The following WDR70 variants were observed in gnomAD, a reference collection of about 807,000 sequenced individuals.
WDR70 encodes the protein WD repeat domain 70.
In WDR70, 53 loss-of-function variants were observed where a neutral mutation model predicts 88.6. The observed-to-expected ratio is 0.60, with a 90% CI of 0.48 to 0.75. The LOEUF (loss-of-function observed/expected upper bound fraction) is 0.75, where lower values mean the gene tolerates loss of function less well. Among genes scored for constraint, WDR70 ranks in the 30% least tolerant of loss-of-function variants. WDR70 has a pLI of 0.00. For missense variants in WDR70, 610 were observed against 823.2 expected, an observed-to-expected ratio of 0.74 and a Z score of 3.17; for synonymous variants, 280 against 270.0, an observed-to-expected ratio of 1.04 and a Z score of -0.36.
chr5:37,397,369 C>T (rs953997715), intron 5 of WDR70, among the ~76,000 whole-genome samples: 6 of 149,364 alleles, frequency 4.0e-5, no homozygotes, highest in South Asian at 2.1e-4. Context: ...TCTGAGAGGC[C>T]GAGGCAGGAG....
intron 5 of WDR70, among the ~76,000 whole-genome samples, chr5:37,403,705 T>C (rs1037068101): frequency 2.0e-5 from 3 of 152,186 alleles, no homozygotes; most frequent in Admixed American, 2.0e-4. Flanking sequence ...TAACCTAGTG[T>C]TAACTTTTTT....
intron 10 of WDR70, among the ~76,000 whole-genome samples, chr5:37,622,157 G>A (rs1744524948): frequency 6.6e-6 from 1 of 152,026 alleles, no homozygotes; most frequent in African/African-American, 2.4e-5. Context: ...ATCATCACTG[G>A]CCATCAGAGA....
chr5:37,670,779 G>T (rs188313640), intron 10 of WDR70, among the ~76,000 whole-genome samples: 2 of 152,138 alleles, frequency 1.3e-5, no homozygotes, highest in Admixed American at 1.3e-4. Flanking sequence ...AAATCTATTA[G>T]AGATATTTTG....
chr5:37,532,919 G>T (rs776745958), intron 9 of WDR70, among the ~76,000 whole-genome samples: 1 of 152,078 alleles, frequency 6.6e-6, no homozygotes, highest in Non-Finnish European at 1.5e-5. Context: ...TGGGATTCAA[G>T]GTGGCTGTTC....
chr5:37,732,250 G>A (rs1331545966), intron 17 of WDR70, among the ~76,000 whole-genome samples: 1 of 151,926 alleles, frequency 6.6e-6, no homozygotes, highest in Non-Finnish European at 1.5e-5. Context: ...GTTTAAAAAT[G>A]CAGGTATATA....
At chr5:37,393,218 T>G (rs1407713382) in intron 4 of WDR70, among the ~76,000 whole-genome samples, 2 of 150,860 alleles carry the variant, frequency 1.3e-5, no homozygotes, top group African/African-American at 4.9e-5. Flanking sequence ...ATTTTTGTAT[T>G]TTTAGTAGAG....
chr5:37,439,120 G>A (rs1182403372), intron 6 of WDR70, among the ~76,000 whole-genome samples: 12 of 151,914 alleles, frequency 7.9e-5, no homozygotes, highest in Admixed American at 5.9e-4. Context: ...GGCTTTCACC[G>A]TGTTAGCCAG....
At chr5:37,526,703 G>C (rs1741286604) in intron 9 of WDR70, among the ~76,000 whole-genome samples, 1 of 152,186 alleles carries the variant, frequency 6.6e-6, no homozygotes, top group African/African-American at 2.4e-5. Context: ...GGCCCTGTTT[G>C]CAGATGACAT....
At chr5:37,664,888 A>G (rs1307913571) in intron 10 of WDR70, among the ~76,000 whole-genome samples, 1 of 152,208 alleles carries the variant, frequency 6.6e-6, no homozygotes, top group African/African-American at 2.4e-5. Flanking sequence ...TTTGGATTGG[A>G]TGTGTTTAGT....
Position 37,711,043 on chromosome 5 carries a change from C to T in WDR70, c.1416+7956C>T, listed in dbSNP as rs377740325. Among the ~76,000 whole-genome samples the T allele has an allele frequency of 3.0e-4, 46 of 152,086 alleles. 2 individuals are homozygous for T. The South Asian group carries it at 9.3e-3, about 31-fold the overall frequency. On this transcript the variant is annotated intron_variant, in intron 13 of 17. Coordinates refer to ENST00000265107, the MANE Select transcript of WDR70 (RefSeq NM_018034.4). Reference sequence around the variant, plus strand: ...ACTGAATGGAGTATGTTTCTACTGTCTACAATGGTGATGGAAAAAACAAAA... The same window carrying T: ...ACTGAATGGAGTATGTTTCTACTGTTTACAATGGTGATGGAAAAAACAAAA...
intron 13 of WDR70, among the ~76,000 whole-genome samples, chr5:37,703,916 G>T (rs1197354080): frequency 6.6e-6 from 1 of 152,114 alleles, no homozygotes; most frequent in East Asian, 1.9e-4. Context: ...TCTTATGTAG[G>T]TTTTTCCAGT....
intron 10 of WDR70, among the ~76,000 whole-genome samples, chr5:37,625,918 T>G (rs1400840696): frequency 6.6e-6 from 1 of 152,186 alleles, no homozygotes; most frequent in Non-Finnish European, 1.5e-5. Context: ...AGTAGTTCAT[T>G]ACTCATGTAT....
At chr5:37,667,692 C>G (rs1379267538) in intron 10 of WDR70, among the ~76,000 whole-genome samples, 3 of 151,866 alleles carry the variant, frequency 2.0e-5, no homozygotes, top group Non-Finnish European at 4.4e-5. Context: ...GAGAAGTGAA[C>G]AGTTGCAACA....
At chr5:37,470,124 CAAAAACAAAAACAAAAA>C (rs1739280012) in intron 7 of WDR70, among the ~76,000 whole-genome samples, 1 of 73,780 alleles carries the variant, frequency 1.4e-5, no homozygotes, top group Non-Finnish European at 2.9e-5. Context: ...AAAACAAAAA[CAAAAACAAAAACAAAAA>C]AAAACGCACA....
intron 10 of WDR70, among the ~76,000 whole-genome samples, chr5:37,673,583 A>ACCACCC (rs1554010663): frequency 2.6e-5 from 2 of 76,228 alleles, no homozygotes; most frequent in African/African-American, 5.4e-5. Context: ...GACTTTTCTT[A>ACCACCC]CCCCCCCCCC....
intron 11 of WDR70, among the ~76,000 whole-genome samples, chr5:37,699,400 TATAC>T (rs143466602): frequency 0.21 from 31,122 of 146,850 alleles, 4,419 homozygotes; most frequent in African/African-American, 0.4. Context: ...TGTATATATA[TATAC>T]ACACACACAC....
chr5:37,677,051 G>T (rs1233766835), intron 10 of WDR70, among the ~76,000 whole-genome samples: 2 of 152,140 alleles, frequency 1.3e-5, no homozygotes, highest in Admixed American at 6.5e-5. Context: ...TCTGATGGTA[G>T]TTCATATTTC....
At chr5:37,649,300 A>G (rs377546797) in intron 10 of WDR70, among the ~76,000 whole-genome samples, 1 of 152,096 alleles carries the variant, frequency 6.6e-6, no homozygotes, top group South Asian at 2.1e-4. Flanking sequence ...AATTAAGACC[A>G]GAAATACAGG....
intron 10 of WDR70, among the ~76,000 whole-genome samples, chr5:37,693,085 C>T (rs372335288): frequency 2.5e-4 from 38 of 151,514 alleles, no homozygotes; most frequent in South Asian, 1.0e-3. Flanking sequence ...GACAAACAGC[C>T]AAATCATGAG....
Sources: allele counts gnomAD v4.1 joint callset (sites outside exome capture counted in the v4.1 genomes callset), GRCh38; gene constraint gnomAD v4.1.1; transcripts MANE v1.5; gene names NCBI Gene and HGNC (gene_info 2026-07-23, HGNC 2026-07-21).